The following MYH10 variants were observed in gnomAD, a reference collection of about 807,000 sequenced individuals.
MYH10 encodes the protein myosin-10.
Under a neutral mutation model 257.8 loss-of-function variants are expected in MYH10, and 55 were observed. That is an observed-to-expected ratio of 0.21 (90% CI 0.17 to 0.27). MYH10 has a LOEUF of 0.27. Ranked by LOEUF, MYH10 falls within the 10% of genes least tolerant of loss-of-function variation. MYH10 has a pLI of 1.00. For missense variants in MYH10, 1,631 were observed against 2,500.6 expected (o/e 0.65, Z 7.42); for synonymous variants, 854 against 921.7 (o/e 0.93, Z 1.33).
intron 38 of MYH10, 31 bp from the exon 39 acceptor site, chr17:8,480,556 A>G: frequency 1.2e-6 from 2 of 1,600,852 alleles, no homozygotes; most frequent in Non-Finnish European, 1.7e-6. Flanking sequence ...GGACGGTTCA[A>G]TCCCAGCTCA....
Position 8,623,281 on chromosome 17 carries a change from A to G in MYH10, c.-31-4T>C, listed in dbSNP as rs2085537004. ...AACGATCCAAAAGCAATTGCCTCTA[A>G]GAGAAGAGGAGGAGGGCAAAATTAG... is the stretch of plus-strand genomic sequence containing the variant. On this transcript the variant is annotated splice_polypyrimidine_tract_variant and splice_region_variant and intron_variant, in intron 1 of 42. Coordinates refer to ENST00000360416, the MANE Select transcript of MYH10 (RefSeq NM_001256012.3). 1 of 1,546,070 alleles carries G rather than the reference A, an allele frequency of 6.5e-7. No homozygotes were observed. The highest frequency in any genetic ancestry group is 2.2e-5 in the Admixed American group (1 of 44,556).
rs2081636151 is a variant in MYH10 at position 8,520,978 on chromosome 17, G to A, written c.2173C>T (p.Leu725=). 6.2e-7 allele frequency: 1 copy of A among 1,612,570 alleles called. No individual in the cohort carries two copies. Among genetic ancestry groups the A allele is most frequent in the African/African-American group, 1.3e-5 (1 of 75,016 alleles). ...EKRAGKLDPH[L]VLDQLRCNGV... ...TTACAGCGAAGCTGATCTAGGACTA[G>A]GTGTGGATCCAATTTTCCAGCCTAA... Residue 725 remains leucine, a synonymous_variant, in exon 19 of 43, where the codon CTA becomes TTA. Coordinates refer to ENST00000360416, the MANE Select transcript of MYH10 (RefSeq NM_001256012.3).
At chr17:8,511,039 T>TATATATAC (rs2081263355) in intron 24 of MYH10, 1 of 8,494 alleles carries the variant, frequency 1.2e-4, no homozygotes, top group African/African-American at 1.8e-4. Flanking sequence ...TATATATATA[T>TATATATAC]ATATATATAT....
chr17:8,519,298 A>G (rs1463552815), intron 19 of MYH10, among the ~76,000 whole-genome samples: 1 of 152,172 alleles, frequency 6.6e-6, no homozygotes, highest in African/African-American at 2.4e-5. Context: ...GGCTTTCTGT[A>G]CTTTAAGTCA....
chr17:8,490,547 G>A lies in MYH10; in HGVS notation c.4677C>T (p.His1559=), dbSNP rs760078338. 2.5e-6 allele frequency: 4 copies of A among 1,613,916 alleles called. No homozygotes were observed. Among genetic ancestry groups the A allele is most frequent in the East Asian group, 2.2e-5 (1 of 44,894 alleles). ...SSKDDVGKNV[H]ELEKSKRALE... ...GGGCCCGTTTGGATTTTTCAAGTTC[G>A]TGAACCTAAACCACCGAAGCATCAG... The change falls in exon 35 of 43, where the codon CAC becomes CAT. Residue 1559 remains histidine, a synonymous_variant. Transcript: ENST00000360416. This position sits in a 1 kb window ranked among gnomAD's most constrained non-coding sequence, Gnocchi z 4.1.
At chr17:8,478,929 A>G (rs1310810484) in intron 40 of MYH10, among the ~76,000 whole-genome samples, 1 of 152,204 alleles carries the variant, frequency 6.6e-6, no homozygotes, top group Non-Finnish European at 1.5e-5. Flanking sequence ...ACGGGGTTTT[A>G]CTACGTTGGC....
chr17:8,597,689 C>T (rs1368042620), intron 3 of MYH10, among the ~76,000 whole-genome samples: 1 of 151,348 alleles, frequency 6.6e-6, no homozygotes, highest in Admixed American at 6.6e-5. Context: ...TCTCAGCTCA[C>T]TGCAACCTCT....
chr17:8,541,307 A>G (rs2082282214), intron 14 of MYH10, among the ~76,000 whole-genome samples: 2 of 152,260 alleles, frequency 1.3e-5, no homozygotes, highest in Admixed American at 1.3e-4. Flanking sequence ...TTATTCAAAC[A>G]TACCTACTTA....
chr17:8,545,420 C>T lies in MYH10; in HGVS notation c.1431+28G>A, dbSNP rs202086865. On this transcript the variant is annotated intron_variant, in intron 13 of 42. Coordinates refer to ENST00000360416, the MANE Select transcript of MYH10 (RefSeq NM_001256012.3). This position sits in a 1 kb window ranked among gnomAD's most constrained non-coding sequence, Gnocchi z 4.7. ...TTAAAAGAACAAACAAAAAGAAGGA[C>T]GAGCTAGAGGAAGAGGGGGAAGAAT... is the stretch of plus-strand genomic sequence containing the variant. 1.1e-5 allele frequency: 18 copies of T among 1,609,440 alleles called. No individual in the cohort carries two copies. Among genetic ancestry groups the T allele is most frequent in the African/African-American group, 4.0e-5 (3 of 74,484 alleles).
chr17:8,495,335 G>A (rs1010972726), intron 30 of MYH10, 94 bp from the exon 31 acceptor site: 6 of 771,392 alleles, frequency 7.8e-6, no homozygotes, highest in South Asian at 4.8e-5. Context: ...AGAAGAACTC[G>A]GCGGGAGTGT....
chr17:8,480,708 T>TCC lies in MYH10; in HGVS notation c.5265-185_5265-184dup. 4.1e-6 allele frequency: 3 copies of TCC among 733,606 alleles called. No homozygotes were observed. In the South Asian group the frequency reaches 5.1e-5, roughly 12 times the overall value. The allele number at this position is 733,606 out of a possible 1,614,324, so 45.4% of individuals were successfully genotyped here. A position where few individuals can be genotyped will look rare whatever the true frequency, so the allele number is the denominator to read the frequency against. ...CCACTGATGACACTTCCAAACACCC[T>TCC]CCCCCGCTGCCACCACCCAGATGCA... On this transcript the variant is annotated intron_variant, in intron 38 of 42. Coordinates refer to ENST00000360416, the MANE Select transcript of MYH10 (RefSeq NM_001256012.3).
intron 6 of MYH10, among the ~76,000 whole-genome samples, chr17:8,574,247 T>C (rs1379891381): frequency 1.3e-5 from 2 of 152,198 alleles, no homozygotes; most frequent in African/African-American, 2.4e-5. Context: ...GGATGAACCT[T>C]GAATATATTA....
chr17:8,483,467 A>C (rs1245670949), intron 37 of MYH10, among the ~76,000 whole-genome samples: 2 of 152,182 alleles, frequency 1.3e-5, no homozygotes, highest in African/African-American at 4.8e-5. Flanking sequence ...CTTTCTTGCA[A>C]GCTCAACTCT....
intron 36 of MYH10, among the ~76,000 whole-genome samples, chr17:8,486,590 G>T (rs1914843654): frequency 8.0e-6 from 1 of 125,108 alleles, no homozygotes; most frequent in African/African-American, 3.1e-5. Flanking sequence ...ATGGAAACAA[G>T]TTCCTACCAA....
chr17:8,522,652 C>T (rs73248040), intron 17 of MYH10, among the ~76,000 whole-genome samples: 2,447 of 152,288 alleles, frequency 0.016, 61 homozygotes, highest in African/African-American at 0.053. Flanking sequence ...CTTCCCTTGA[C>T]CCTGTATCTG....
At chr17:8,579,575 A>G (rs1050167324) in intron 4 of MYH10, among the ~76,000 whole-genome samples, 2 of 152,060 alleles carry the variant, frequency 1.3e-5, no homozygotes, top group African/African-American at 4.8e-5. Flanking sequence ...TTATAAGACT[A>G]TTTCCTATGT....
rs1053344131 is a variant in MYH10, at chr17:8,610,510, C to T, written c.346-5528G>A. 2.0e-5 allele frequency among the ~76,000 whole-genome samples: 3 copies of T among 152,014 alleles called. No homozygotes were observed. In the East Asian group the frequency reaches 5.8e-4, roughly 29 times the overall value. On this transcript the variant is annotated intron_variant, in intron 2 of 42. Coordinates refer to ENST00000360416, the MANE Select transcript of MYH10 (RefSeq NM_001256012.3). ...TAAAAGTGATATAACAATTGCTATG[C>T]TTTGACTGTGTCCCCACAAAAGCAT...
chr17:8,555,720 CT>C (rs1233515730), intron 7 of MYH10, among the ~76,000 whole-genome samples: 1 of 152,086 alleles, frequency 6.6e-6, no homozygotes, highest in East Asian at 1.9e-4. Context: ...TCTTCATGAC[CT>C]TAAATTAGAC....
At chr17:8,622,871 C>A (rs1382335875) in intron 2 of MYH10, 31 bp downstream of exon 2, 2 of 1,603,044 alleles carry the variant, frequency 1.2e-6, no homozygotes, top group Non-Finnish European at 1.7e-6. Context: ...CTAGCTACCA[C>A]TTCACATGAT....
Sources: allele counts gnomAD v4.1 joint callset (sites outside exome capture counted in the v4.1 genomes callset), GRCh38; gene constraint gnomAD v4.1.1; non-coding constraint Gnocchi (gnomAD v3.1); transcripts MANE v1.5; gene names NCBI Gene and HGNC (gene_info 2026-07-23, HGNC 2026-07-21).